PLAAT5: variants seen among roughly 807,000 people sequenced by gnomAD.
PLAAT5 encodes Ca(2+)-independent N-acyltransferase.
In PLAAT5, 27 loss-of-function variants were observed where a neutral mutation model predicts 27.8. The ratio of observed to expected loss-of-function variants is 0.97; its 90% CI spans 0.72 to 1.34. The LOEUF is 1.34. Among genes scored for constraint, PLAAT5 ranks in the 40% most tolerant of loss-of-function variants. PLAAT5 has a pLI of 0.00. For synonymous variants in PLAAT5, 125 were observed against 136.1 expected (o/e 0.92, Z 0.57); for missense variants, 368 against 343.8 (o/e 1.07, Z -0.56).
At chr11:63,477,200 A>G (rs1450919464) in intron 3 of PLAAT5, among the ~76,000 whole-genome samples, 1 of 152,182 alleles carries the variant, frequency 6.6e-6, no homozygotes, top group African/African-American at 2.4e-5. Flanking sequence ...CCCACTAGGA[A>G]ACAGTCTCTA....
Position 63,463,707 on chromosome 11 carries a change from C to T in PLAAT5, c.718-112G>A, listed in dbSNP as rs922609277. ...CAACCAGCCTGTCTGGAGTCTATTC[C>T]CAAGAGAAGAAGCAGTCCATGCTAT... is the stretch of plus-strand genomic sequence containing the variant. On this transcript the variant is annotated intron_variant, in intron 5 of 5. Transcript: ENST00000540857. The T allele has an allele frequency of 8.8e-6, 7 of 796,874 alleles. No individual in the cohort carries two copies. In the African/African-American group the frequency reaches 1.2e-4, roughly 13 times the overall value. 49.4% of individuals were successfully genotyped at this position (796,874 alleles called of 1,614,324 possible).
At chr11:63,486,497 A>T (rs921575493) in intron 3 of PLAAT5, among the ~76,000 whole-genome samples, 1 of 152,180 alleles carries the variant, frequency 6.6e-6, no homozygotes, top group Non-Finnish European at 1.5e-5. Context: ...GAATGAAACA[A>T]TGACATTCAC....
intron 3 of PLAAT5, among the ~76,000 whole-genome samples, chr11:63,475,702 T>G (rs1590616817): frequency 1.3e-5 from 2 of 152,196 alleles, no homozygotes; most frequent in South Asian, 4.1e-4. Flanking sequence ...CTCTTTTGCC[T>G]TCTTTTTTGT....
chr11:63,474,915 G>C (rs370688316), intron 3 of PLAAT5, among the ~76,000 whole-genome samples: 6 of 151,640 alleles, frequency 4.0e-5, no homozygotes, highest in African/African-American at 1.2e-4. Flanking sequence ...TTTGACCATG[G>C]GTTATTTAGA....
intron 1 of PLAAT5, 135 bp from the exon 2 acceptor site, chr11:63,490,468 T>C: frequency 6.5e-6 from 9 of 1,389,926 alleles, no homozygotes; most frequent in Non-Finnish European, 9.0e-6. Flanking sequence ...CAGAAAATCT[T>C]GGGATGAATG....
intron 3 of PLAAT5, among the ~76,000 whole-genome samples, chr11:63,482,958 C>T (rs1236944917): frequency 1.3e-5 from 2 of 152,088 alleles, no homozygotes; most frequent in Non-Finnish European, 2.9e-5. Context: ...AGTAGCTATT[C>T]TTATATAAGA....
At chr11:63,477,102 C>T (rs960559156) in intron 3 of PLAAT5, among the ~76,000 whole-genome samples, 10 of 152,080 alleles carry the variant, frequency 6.6e-5, no homozygotes, top group Non-Finnish European at 1.5e-4. Context: ...TTCCACTTTC[C>T]TTTAATTCTT....
intron 5 of PLAAT5, 87 bp downstream of exon 5, chr11:63,466,023 C>T (rs539393071): frequency 1.5e-6 from 2 of 1,344,972 alleles, no homozygotes; most frequent in Non-Finnish European, 2.0e-6. Flanking sequence ...ATAATGAAAG[C>T]CCTGATTACC....
intron 5 of PLAAT5, among the ~76,000 whole-genome samples, chr11:63,464,852 C>T (rs1237313340): frequency 6.6e-6 from 1 of 152,112 alleles, no homozygotes; most frequent in African/African-American, 2.4e-5. Flanking sequence ...GCAGTATAGG[C>T]CAGGCAGGTA....
At chr11:63,467,246 A>G (rs1164091870) in intron 4 of PLAAT5, among the ~76,000 whole-genome samples, 1 of 152,168 alleles carries the variant, frequency 6.6e-6, no homozygotes, top group Non-Finnish European at 1.5e-5. Flanking sequence ...GGCAGAATTC[A>G]TTTTCAGAGA....
At chr11:63,489,950 T>G (rs986844653) in intron 2 of PLAAT5, among the ~76,000 whole-genome samples, 4 of 152,198 alleles carry the variant, frequency 2.6e-5, no homozygotes, top group African/African-American at 9.6e-5. Flanking sequence ...GTTCACTGAT[T>G]AGTGAGACCA....
chr11:63,482,810 C>G (rs938614463), intron 3 of PLAAT5, among the ~76,000 whole-genome samples: 2 of 152,100 alleles, frequency 1.3e-5, no homozygotes, highest in African/African-American at 4.8e-5. Flanking sequence ...TTAAAGGATA[C>G]AGAATGGCAG....
rs2015722580 is a variant in PLAAT5, at chr11:63,461,763, T to C, written c.*1740A>G. ...ATGTCCATTGTGCCTTGTGTCTTCCTAGCCAACTCAGAACTCCTCACATCC... is the reference window on the plus strand; with the variant it reads ...ATGTCCATTGTGCCTTGTGTCTTCCCAGCCAACTCAGAACTCCTCACATCC... On this transcript the variant is annotated 3_prime_UTR_variant, in exon 6 of 6. Coordinates refer to ENST00000540857, the MANE Select transcript of PLAAT5 (RefSeq NM_001146729.2). The C allele has an allele frequency of 6.6e-6, 1 of 152,220 alleles. No individual in the cohort carries two copies. The highest frequency in any genetic ancestry group is 2.4e-5 in the African/African-American group (1 of 41,440). 9.4% of individuals were successfully genotyped at this position (152,220 alleles called of 1,614,324 possible). A position where few individuals can be genotyped will look rare whatever the true frequency, so the allele number is the denominator to read the frequency against.
intron 2 of PLAAT5, 23 bp downstream of exon 2, chr11:63,490,219 AC>A: frequency 6.2e-7 from 1 of 1,613,852 alleles, no homozygotes. Context: ...CCACCCAAAG[AC>A]CCCAACCTTA....
At chr11:63,479,037 T>C (rs1157666750) in intron 3 of PLAAT5, among the ~76,000 whole-genome samples, 1 of 152,170 alleles carries the variant, frequency 6.6e-6, no homozygotes, top group East Asian at 1.9e-4. Context: ...AGCAGAATGA[T>C]ATTGCAGGAG....
intron 3 of PLAAT5, chr11:63,470,267 T>C (rs989826918): frequency 6.2e-6 from 1 of 160,214 alleles, no homozygotes. Flanking sequence ...CCTATAAATG[T>C]AAAGGATGTG....
intron 3 of PLAAT5, among the ~76,000 whole-genome samples, chr11:63,476,361 A>G (rs73488078): frequency 0.035 from 5,350 of 152,208 alleles, 314 homozygotes; most frequent in African/African-American, 0.12. Flanking sequence ...CTTTCCACCC[A>G]AAGAATTTTC....
chr11:63,485,666 A>G (rs1302765952), intron 3 of PLAAT5, among the ~76,000 whole-genome samples: 2 of 152,232 alleles, frequency 1.3e-5, no homozygotes, highest in African/African-American at 4.8e-5. Context: ...TGAAACCATA[A>G]AAATTCTAGA....
At position 63,468,378 on chromosome 11, in the gene PLAAT5, C is replaced by G. The variant is rs746797342; in HGVS notation, c.433G>C (p.Val145Leu). 1.2e-6 allele frequency: 2 copies of G among 1,613,438 alleles called. No homozygotes were observed. Among genetic ancestry groups the G allele is most frequent in the African/African-American group, 2.7e-5 (2 of 74,900 alleles). ...TTACTTGGGGGAGCCAGATGGACCACGCAATCATCTTCTACATAGATGGCC... is the reference window on the plus strand; with the variant it reads ...TTACTTGGGGGAGCCAGATGGACCAGGCAATCATCTTCTACATAGATGGCC... ...HWAIYVEDDC[V>L]VHLAPPSEEF... The change falls in exon 4 of 6, where the codon GTG (valine) becomes CTG (leucine). Residue 145 changes from valine to leucine, a missense_variant. Coordinates refer to ENST00000540857, the MANE Select transcript of PLAAT5 (RefSeq NM_001146729.2).
Sources: gnomAD v4.1 joint callset for allele counts (sites outside exome capture counted in the v4.1 genomes callset) on GRCh38, gnomAD v4.1.1 for gene constraint, MANE v1.5 for transcripts, NCBI Gene and HGNC (gene_info 2026-07-23, HGNC 2026-07-21) for gene names.